PHACTR3: variants seen among roughly 807,000 people sequenced by gnomAD.
The protein encoded by PHACTR3 is phosphatase and actin regulator 3, also known as protein phosphatase 1, regulatory subunit 123.
In PHACTR3, 16 loss-of-function variants were observed where a neutral mutation model predicts 66.8. The observed-to-expected ratio is 0.24, with a 90% CI of 0.16 to 0.36. The LOEUF is 0.36. Among genes scored for constraint, PHACTR3 ranks in the 10% least tolerant of loss-of-function variants. The pLI is 1.00. For missense variants in PHACTR3, 647 were observed against 719.9 expected (o/e 0.90, Z 1.16); for synonymous variants, 323 against 292.1 (o/e 1.11, Z -1.08).
chr20:59,700,303 C>T (rs2037453679), intron 1 of PHACTR3, among the ~76,000 whole-genome samples: 1 of 152,218 alleles, frequency 6.6e-6, no homozygotes, highest in African/African-American at 2.4e-5. Context: ...TGTTTCCAAA[C>T]ATTCATCGAT....
intron 1 of PHACTR3, among the ~76,000 whole-genome samples, chr20:59,711,142 G>A (rs545751323): frequency 5.3e-5 from 8 of 151,824 alleles, no homozygotes; most frequent in Admixed American, 3.3e-4. Context: ...AAATTTTTTG[G>A]TATCATTAAA....
intron 1 of PHACTR3, chr20:59,676,690 C>T: frequency 1.0e-6 from 1 of 985,256 alleles, no homozygotes; most frequent in Non-Finnish European, 1.2e-6. Context: ...GAGAAAGACT[C>T]CAGAAGCCCG....
intron 1 of PHACTR3, among the ~76,000 whole-genome samples, chr20:59,594,704 C>T (rs1202189656): frequency 6.6e-6 from 1 of 152,150 alleles, no homozygotes; most frequent in African/African-American, 2.4e-5. Context: ...TGGCTACAGA[C>T]TTAACAATTT....
At chr20:59,730,404 G>T (rs1400106028) in intron 1 of PHACTR3, among the ~76,000 whole-genome samples, 1 of 152,186 alleles carries the variant, frequency 6.6e-6, no homozygotes, top group African/African-American at 2.4e-5. Flanking sequence ...CTTAAGAAAT[G>T]GAGGCCAGGG....
At chr20:59,793,999 C>G (rs756880133) in intron 7 of PHACTR3, among the ~76,000 whole-genome samples, 2 of 151,808 alleles carry the variant, frequency 1.3e-5, no homozygotes, top group Non-Finnish European at 2.9e-5. Flanking sequence ...TGGTGCATAC[C>G]TGTAATCCCA....
chr20:59,762,703 G>A (rs1489758963), intron 4 of PHACTR3, among the ~76,000 whole-genome samples: 1 of 152,180 alleles, frequency 6.6e-6, no homozygotes, highest in Non-Finnish European at 1.5e-5. Flanking sequence ...TTTTCTACCT[G>A]GCCCTCTGCA....
chr20:59,762,760 GT>G (rs149723000), intron 4 of PHACTR3, among the ~76,000 whole-genome samples: 3,396 of 152,360 alleles, frequency 0.022, 58 homozygotes, highest in Non-Finnish European at 0.035. Flanking sequence ...TTCCACTGGG[GT>G]GGGAAGCATT....
At chr20:59,633,172 A>G (rs1205424102) in intron 1 of PHACTR3, among the ~76,000 whole-genome samples, 1 of 152,244 alleles carries the variant, frequency 6.6e-6, no homozygotes, top group Admixed American at 6.5e-5. Flanking sequence ...GTTTTGAAAT[A>G]TAAATCATTC....
intron 1 of PHACTR3, among the ~76,000 whole-genome samples, chr20:59,633,306 GA>G (rs2034733583): frequency 6.6e-6 from 1 of 152,196 alleles, no homozygotes; most frequent in Non-Finnish European, 1.5e-5. Flanking sequence ...ATACACCATG[GA>G]ATACTATGCA....
chr20:59,679,937 C>T (rs888940501), intron 1 of PHACTR3, among the ~76,000 whole-genome samples: 3 of 152,126 alleles, frequency 2.0e-5, no homozygotes, highest in Non-Finnish European at 4.4e-5. Context: ...GGGGACACAG[C>T]CAAACTGTAT....
chr20:59,578,791 T>C (rs1302872770), intron 1 of PHACTR3, among the ~76,000 whole-genome samples: 1 of 152,152 alleles, frequency 6.6e-6, no homozygotes, highest in East Asian at 1.9e-4. Context: ...TGGGGGACAC[T>C]TGAGAGCCCG....
chr20:59,703,047 A>T (rs2426816), intron 1 of PHACTR3, among the ~76,000 whole-genome samples: 82,339 of 152,044 alleles, frequency 0.54, 22,526 homozygotes, highest in African/African-American at 0.63. Context: ...CTCTTCATCT[A>T]TTCTAGCCTT....
At chr20:59,692,576 A>G (rs1053787018) in intron 1 of PHACTR3, among the ~76,000 whole-genome samples, 1 of 152,226 alleles carries the variant, frequency 6.6e-6, no homozygotes, top group Non-Finnish European at 1.5e-5. Context: ...TGTACTCTGC[A>G]TGAGTTAACC....
At chr20:59,813,003 G>A (rs369876778) in intron 8 of PHACTR3, among the ~76,000 whole-genome samples, 92 of 152,298 alleles carry the variant, frequency 6.0e-4, no homozygotes, top group African/African-American at 2.2e-3. Flanking sequence ...CCAAGCATCC[G>A]GCTCACACCT....
At chr20:59,846,959 C>G (rs1223198649) in intron 12 of PHACTR3, among the ~76,000 whole-genome samples, 156 bp from the exon 13 acceptor site, 1 of 152,086 alleles carries the variant, frequency 6.6e-6, no homozygotes, top group Admixed American at 6.5e-5. Context: ...GAGACTCTAC[C>G]CTATTTTAAC....
intron 8 of PHACTR3, among the ~76,000 whole-genome samples, chr20:59,822,717 C>T (rs1568857032): frequency 2.0e-5 from 3 of 152,216 alleles, no homozygotes; most frequent in South Asian, 2.1e-4. Context: ...GTCAGCCTGA[C>T]GGGCACCTAC....
intron 1 of PHACTR3, among the ~76,000 whole-genome samples, chr20:59,635,378 C>T (rs2034861326): frequency 6.6e-6 from 1 of 150,770 alleles, no homozygotes; most frequent in Admixed American, 6.6e-5. Flanking sequence ...GGATTACGGG[C>T]GTGCACCACC....
intron 1 of PHACTR3, among the ~76,000 whole-genome samples, chr20:59,702,424 T>G (rs73303165): frequency 0.077 from 11,659 of 152,250 alleles, 1,371 homozygotes; most frequent in African/African-American, 0.25. Context: ...TCTTCTCACA[T>G]CCAGATCTCA....
At chr20:59,649,982 C>A (rs959949326) in intron 1 of PHACTR3, among the ~76,000 whole-genome samples, 2 of 152,026 alleles carry the variant, frequency 1.3e-5, no homozygotes, top group African/African-American at 4.8e-5. Context: ...GGAAGAATTT[C>A]TTTTGGCAAA....
Sources: gnomAD v4.1 joint callset for allele counts (sites outside exome capture counted in the v4.1 genomes callset) on GRCh38, gnomAD v4.1.1 for gene constraint, MANE v1.5 for transcripts, NCBI Gene and HGNC (gene_info 2026-07-23, HGNC 2026-07-21) for gene names.